Variants in LOXHD1 observed in about 807,000 individuals in gnomAD.
LOXHD1 encodes the protein lipoxygenase homology PLAT domains 1.
In LOXHD1, 205 loss-of-function variants were observed where a neutral mutation model predicts 248.2. That is an observed-to-expected ratio of 0.83 (90% CI 0.74 to 0.93). The LOEUF (loss-of-function observed/expected upper bound fraction) is 0.93. LOXHD1 is among the 40% of genes least tolerant of loss of function. The probability of loss-of-function intolerance (pLI) is 0.00; values close to 1 mark genes in which losing one functional copy is unlikely to be tolerated. For missense variants in LOXHD1, 2,930 were observed against 2,971.6 expected (o/e 0.99, Z 0.33); for synonymous variants, 1,113 against 1,162.8 (o/e 0.96, Z 0.87).
In LOXHD1 at chr18:46,641,339, G is replaced by C. The variant is rs115837557; in HGVS notation, c.326+617C>G. Among the ~76,000 whole-genome samples, 1,390 of 152,254 alleles carry C rather than the reference G, an allele frequency of 9.1e-3. 23 individuals carry two copies. The highest frequency in any genetic ancestry group is 0.032 in the African/African-American group (1,311 of 41,532). On this transcript the variant is annotated intron_variant, in intron 3 of 40. Coordinates refer to ENST00000642948, the MANE Select transcript of LOXHD1 (RefSeq NM_001384474.1). ...GAACTTGAATAGGGGTGGATGGCAGGGACTAGGAAGGGAAAAGGGAGGCAA... is the reference window on the plus strand; with the variant it reads ...GAACTTGAATAGGGGTGGATGGCAGCGACTAGGAAGGGAAAAGGGAGGCAA...
In LOXHD1 at chr18:46,651,120, C is replaced by T. The variant is rs572589571; in HGVS notation, c.131-1851G>A. Among the ~76,000 whole-genome samples, 23 of 152,310 alleles carry T rather than the reference C, an allele frequency of 1.5e-4. No homozygotes were observed. In the South Asian group the frequency reaches 2.9e-3, roughly 19 times the overall value. On this transcript the variant is annotated intron_variant, in intron 1 of 40. Transcript: ENST00000642948. ...AGATGTAGCTCAACTAACATGCACACGATCCACAGATATTCCAGAAGCCCT... is the reference window on the plus strand; with the variant it reads ...AGATGTAGCTCAACTAACATGCACATGATCCACAGATATTCCAGAAGCCCT...
Position 46,560,253 on chromosome 18 carries a change from G to T in LOXHD1, c.2891C>A (p.Ser964Ter). ...TTCTTCCATCTCCTCCTCCTCTGAC[G>T]AGGACTCCTCTGATGAGGACGACTC... ...EEESSSSEES[S>*]SEEEEMEEEE... The change falls in exon 19 of 41, where the codon TCG (serine) becomes TAG (stop). Residue 964 changes from serine (S) to a stop codon, truncating the protein, a stop_gained. Coordinates refer to ENST00000642948, the MANE Select transcript of LOXHD1 (RefSeq NM_001384474.1). LOFTEE classifies it high-confidence loss of function. 1 of 1,551,454 alleles carries T rather than the reference G, an allele frequency of 6.4e-7. No individual in the cohort carries two copies.
chr18:46,538,201 C>T lies in LOXHD1; in HGVS notation c.4050G>A (p.Gln1350=). The T allele has an allele frequency of 6.5e-7, 1 of 1,540,460 alleles. No homozygotes were observed. Residue 1350 remains glutamine, a synonymous_variant, in exon 26 of 41, where the codon CAG becomes CAA. Transcript: ENST00000642948. ...QKYLCTNKRE[Q]KQFFERKSAS... Reference sequence around the variant, plus strand: ...CAGACTTCCTCTCAAAGAACTGCTTCTGTTCCCTCTTGTTGGTACACAGAT... The same window carrying T: ...CAGACTTCCTCTCAAAGAACTGCTTTTGTTCCCTCTTGTTGGTACACAGAT...
chr18:46,603,897 C>T (rs552854037), intron 7 of LOXHD1, among the ~76,000 whole-genome samples: 36 of 152,216 alleles, frequency 2.4e-4, no homozygotes, highest in Admixed American at 4.6e-4. Context: ...TTAGTATCTG[C>T]TTAGCAGCAT....
At chr18:46,571,245 A>G (rs2037746815) in intron 15 of LOXHD1, among the ~76,000 whole-genome samples, 1 of 152,124 alleles carries the variant, frequency 6.6e-6, no homozygotes, top group African/African-American at 2.4e-5. Flanking sequence ...AGGTGGGTGG[A>G]TCATTTGAAC....
At chr18:46,526,323 G>A (rs1169136463) in intron 29 of LOXHD1, among the ~76,000 whole-genome samples, 5 of 152,228 alleles carry the variant, frequency 3.3e-5, no homozygotes, top group African/African-American at 1.2e-4. Flanking sequence ...TGTGTGTGCA[G>A]TGGCTATAGA....
intron 20 of LOXHD1, chr18:46,558,043 C>T: frequency 2.0e-6 from 2 of 987,428 alleles, no homozygotes; most frequent in Non-Finnish European, 2.4e-6. Flanking sequence ...AGGAAGCAGA[C>T]CACACCAGGA....
chr18:46,529,050 G>A, intron 29 of LOXHD1, 127 bp downstream of exon 29: 1 of 1,168,324 alleles, frequency 8.6e-7, no homozygotes, highest in Non-Finnish European at 1.2e-6. Flanking sequence ...AAGGGCAGAG[G>A]CCCAAATGAG....
chr18:46,579,926 C>G, intron 12 of LOXHD1, 142 bp from the exon 13 acceptor site: 1 of 1,009,206 alleles, frequency 9.9e-7, no homozygotes, highest in East Asian at 2.6e-5. Flanking sequence ...TCCCAACTAT[C>G]TAAATCCTAC....
At chr18:46,503,409 A>C (rs1483936013) in intron 37 of LOXHD1, among the ~76,000 whole-genome samples, 2 of 152,142 alleles carry the variant, frequency 1.3e-5, no homozygotes, top group African/African-American at 2.4e-5. Context: ...AGATACACAG[A>C]ATGTGGCTCA....
At chr18:46,524,327 T>C (rs757082898) in intron 31 of LOXHD1, 139 bp downstream of exon 31, 26 of 1,259,198 alleles carry the variant, frequency 2.1e-5, no homozygotes, top group Admixed American at 2.4e-5. Flanking sequence ...ACAGGTAATA[T>C]GTGTGAAAAC....
At chr18:46,521,356 C>G (rs1446521618) in intron 32 of LOXHD1, 74 bp from the exon 33 acceptor site, 5 of 1,495,462 alleles carry the variant, frequency 3.3e-6, no homozygotes, top group Non-Finnish European at 4.5e-6. Context: ...CCAGCCCCCT[C>G]CCTCAGTGCT....
chr18:46,560,846 A>ACACG (rs1295952083), intron 18 of LOXHD1, among the ~76,000 whole-genome samples: 2 of 141,306 alleles, frequency 1.4e-5, no homozygotes, highest in East Asian at 2.0e-4. Context: ...ATACACACAC[A>ACACG]CACGCACGCG....
Position 46,594,362 on chromosome 18 carries a change from C to A in LOXHD1, c.1239G>T (p.Glu413Asp), listed in dbSNP as rs1322779041. The stretch of plus-strand genomic sequence containing the variant: ...GCCGCTTCTTCCTGAGAGACACCAT[C>A]TCATAGAGCTGCCTCTCAATCAACC... ...ADGLIERQLYEMVSLRKKRLK... is the reference protein window; with the variant it reads ...ADGLIERQLYDMVSLRKKRLK... Residue 413 changes from glutamate to aspartate, a missense_variant, in exon 9 of 41, where the codon GAG becomes GAT. Glu to Asp is a conservative substitution (Grantham distance 45). Transcript: ENST00000642948. 6.4e-7 allele frequency: 1 copy of A among 1,551,662 alleles called. No individual in the cohort carries two copies. The highest frequency in any genetic ancestry group is 8.7e-7 in the Non-Finnish European group (1 of 1,146,994).
At chr18:46,570,630 T>A (rs2037734008) in intron 15 of LOXHD1, among the ~76,000 whole-genome samples, 1 of 152,212 alleles carries the variant, frequency 6.6e-6, no homozygotes, top group Non-Finnish European at 1.5e-5. Context: ...TTTCTTGTAC[T>A]ATTTTCCATC....
At position 46,610,925 on chromosome 18, in the gene LOXHD1, C is replaced by T; in HGVS notation, c.611-1G>A. 1.3e-6 allele frequency: 2 copies of T among 1,551,796 alleles called. No homozygotes were observed. Among genetic ancestry groups the T allele is most frequent in the Non-Finnish European group, 1.7e-6 (2 of 1,146,994 alleles). ...TTTTCATTTTCTAGCCTACGCTCCC[C>T]TGTATGCACAGACATACAAAAGAAA... On this transcript the variant is annotated splice_acceptor_variant, in intron 5 of 40. Transcript: ENST00000642948. LOFTEE classifies it high-confidence loss of function.
chr18:46,522,790 C>T (rs1196109313), intron 31 of LOXHD1, among the ~76,000 whole-genome samples: 1 of 152,180 alleles, frequency 6.6e-6, no homozygotes, highest in African/African-American at 2.4e-5. Flanking sequence ...TCCTAGAAGA[C>T]AGCAATTTCC....
intron 14 of LOXHD1, among the ~76,000 whole-genome samples, chr18:46,575,013 C>T (rs1395325967): frequency 1.3e-5 from 2 of 152,204 alleles, no homozygotes; most frequent in African/African-American, 2.4e-5. Context: ...CTAAAGGATC[C>T]CCTGCAGTTC....
intron 12 of LOXHD1, among the ~76,000 whole-genome samples, chr18:46,586,707 C>A (rs1599029791): frequency 6.6e-6 from 1 of 152,158 alleles, no homozygotes; most frequent in East Asian, 1.9e-4. Flanking sequence ...CTTGGACTCC[C>A]AAAGTGCTAG....
Sources: allele counts gnomAD v4.1 joint callset (sites outside exome capture counted in the v4.1 genomes callset), GRCh38; gene constraint gnomAD v4.1.1; transcripts MANE v1.5; gene names NCBI Gene and HGNC (gene_info 2026-07-23, HGNC 2026-07-21).